The following PCDHGA4 variants were observed in gnomAD, a reference collection of about 807,000 sequenced individuals.
The protein encoded by PCDHGA4 is protocadherin gamma subfamily A, 4, also known as protocadherin gamma-A4.
In PCDHGA4, 38 loss-of-function variants were observed where a neutral mutation model predicts 54.6. The ratio of observed to expected loss-of-function variants is 0.70; its 90% confidence interval spans 0.54 to 0.91. PCDHGA4 has a LOEUF of 0.91. Ranked by LOEUF, PCDHGA4 falls within the 40% of genes least tolerant of loss-of-function variation. The probability of loss-of-function intolerance (pLI) is 0.00; values close to 1 mark genes in which losing one functional copy is unlikely to be tolerated. For missense variants in PCDHGA4, 1,298 were observed against 1,220.9 expected (o/e 1.06, Z -0.94); for synonymous variants, 511 against 512.9 (o/e 1.00, Z 0.05).
At chr5:141,383,279 A>G in intron 1 of PCDHGA4, 7 of 1,613,948 alleles carry the variant, frequency 4.3e-6, no homozygotes, top group Non-Finnish European at 5.9e-6. Context: ...ATAGATATTA[A>G]TGACAACGTT....
chr5:141,491,284 A>C lies in PCDHGA4; in HGVS notation c.2515-3523A>C. ...AATGCCCAAATCCAGTGACTTCCTC[A>C]TACACCCTCCTGAGCGTTCAGACCT... On this transcript the variant is annotated intron_variant, in intron 1 of 3. Transcript: ENST00000571252. The surrounding 1 kb of genome is among the most constrained non-coding windows in gnomAD (Gnocchi z 6.9). 1.2e-6 allele frequency: 2 copies of C among 1,614,128 alleles called. No homozygotes were observed. The highest frequency in any genetic ancestry group is 1.7e-6 in the Non-Finnish European group (2 of 1,179,978).
At chr5:141,389,519 C>T in intron 1 of PCDHGA4, 1 of 1,613,156 alleles carries the variant, frequency 6.2e-7, no homozygotes, top group South Asian at 1.1e-5. Context: ...CGAACGTGAG[C>T]CTGCGCGTGT....
chr5:141,466,358 A>T (rs1210013683), intron 1 of PCDHGA4, among the ~76,000 whole-genome samples: 3 of 152,066 alleles, frequency 2.0e-5, no homozygotes, highest in Non-Finnish European at 4.4e-5. Context: ...GCTAATCTAG[A>T]TGTAATGGTT....
rs1005709757 is a variant in PCDHGA4 at position 141,495,051 on chromosome 5, A to G, written c.2573+186A>G. Among the ~76,000 whole-genome samples, 3 of 152,042 alleles carry G rather than the reference A, an allele frequency of 2.0e-5. No homozygotes were observed. In the East Asian group the frequency reaches 5.8e-4, roughly 29 times the overall value. On this transcript the variant is annotated intron_variant, in intron 2 of 3. Transcript: ENST00000571252. ...CCGGAAGGAAGAGGCGACTGCCCTG[A>G]CTGTTCAGGAAGCTCAATTCACATG... is the stretch of plus-strand genomic sequence containing the variant.
At chr5:141,384,435 A>G in intron 1 of PCDHGA4, 1 of 1,614,008 alleles carries the variant, frequency 6.2e-7, no homozygotes, top group Non-Finnish European at 8.5e-7. Context: ...CTGACACTGG[A>G]GTCCTGTACG....
At chr5:141,385,188 T>A (rs1352073072) in intron 1 of PCDHGA4, 2 of 1,614,080 alleles carry the variant, frequency 1.2e-6, no homozygotes, top group African/African-American at 1.3e-5. Flanking sequence ...CCGCGGACTC[T>A]CGGAAGAGTC....
rs1015821056 is a variant in PCDHGA4 at position 141,397,642 on chromosome 5, T to C, written c.2514+40021T>C. On this transcript the variant is annotated intron_variant, in intron 1 of 3. Coordinates refer to ENST00000571252, the MANE Select transcript of PCDHGA4 (RefSeq NM_018917.4). Reference sequence around the variant, plus strand: ...TAGTTCTAGCTAAGAGTTCAAGGTATGTTTGCAGAATGGTGAAAGAATGGA... The same window carrying C: ...TAGTTCTAGCTAAGAGTTCAAGGTACGTTTGCAGAATGGTGAAAGAATGGA... Among the ~76,000 whole-genome samples, 3 of 152,236 alleles carry C rather than the reference T, an allele frequency of 2.0e-5. No individual in the cohort carries two copies. The East Asian group carries it at 5.8e-4, about 29-fold the overall frequency.
chr5:141,417,800 C>T, intron 1 of PCDHGA4: 1 of 1,489,386 alleles, frequency 6.7e-7, no homozygotes. Context: ...TCTTTTAGCG[C>T]GGTAGAGTGC....
intron 1 of PCDHGA4, chr5:141,389,736 G>A: frequency 6.2e-7 from 1 of 1,612,710 alleles, no homozygotes; most frequent in Non-Finnish European, 8.5e-7. Flanking sequence ...CTTCAGCCTG[G>A]GGCTGCGCAC....
At chr5:141,386,140 G>A (rs1246033956) in intron 1 of PCDHGA4, 1 of 152,170 alleles carries the variant, frequency 6.6e-6, no homozygotes, top group African/African-American at 2.4e-5. Context: ...TACTGGCTTT[G>A]TTTCAACTGT....
chr5:141,430,235 G>T (rs1020445956), intron 1 of PCDHGA4, among the ~76,000 whole-genome samples: 3 of 128,670 alleles, frequency 2.3e-5, no homozygotes, highest in Non-Finnish European at 4.7e-5. Context: ...GTCAAAAAGA[G>T]AAACTCCTAG....
chr5:141,500,467 C>T lies in PCDHGA4; in HGVS notation c.2574-4926C>T, dbSNP rs368360639. 6.6e-5 allele frequency among the ~76,000 whole-genome samples: 10 copies of T among 152,262 alleles called. No homozygotes were observed. In the South Asian group the frequency reaches 2.1e-3, roughly 32 times the overall value. ...CTCGTGATCCGCCCGCCTCGGCCTC[C>T]CAAAGTGCTGGGATTACAGGCGTGA... is the stretch of plus-strand genomic sequence containing the variant. On this transcript the variant is annotated intron_variant, in intron 2 of 3. Coordinates refer to ENST00000571252, the MANE Select transcript of PCDHGA4 (RefSeq NM_018917.4).
Position 141,360,331 on chromosome 5 carries a change from C to G in PCDHGA4, c.2514+2710C>G, listed in dbSNP as rs146919505. The G allele has an allele frequency of 1.3e-3, 2,115 of 1,613,952 alleles. 5 individuals are homozygous for G. Among genetic ancestry groups the G allele is most frequent in the Non-Finnish European group, 1.7e-3 (1,954 of 1,179,884 alleles). On this transcript the variant is annotated intron_variant, in intron 1 of 3. Transcript: ENST00000571252. The stretch of plus-strand genomic sequence containing the variant: ...CGTCCGGGACTTGCCAGCCCGGAAG[C>G]TGCGGGTTAGCGCGGAGAAGGAATA...
intron 1 of PCDHGA4, chr5:141,382,901 T>C (rs748634682): frequency 5.8e-6 from 9 of 1,543,194 alleles, no homozygotes; most frequent in East Asian, 2.3e-5. Flanking sequence ...AGGACGACTA[T>C]GGCGGCTCAG....
Position 141,389,889 on chromosome 5 carries a change from G to A in PCDHGA4, c.2514+32268G>A. ...GGTCTTCGCCGACAGCTTGCAGGAG[G>A]TGCTGCCGGATATCACTGACCGCCC... On this transcript the variant is annotated intron_variant, in intron 1 of 3. Transcript: ENST00000571252. 1.9e-6 allele frequency: 3 copies of A among 1,614,086 alleles called. No homozygotes were observed. Among genetic ancestry groups the A allele is most frequent in the Admixed American group, 1.7e-5 (1 of 60,034 alleles).
chr5:141,394,496 G>T (rs779718881), intron 1 of PCDHGA4: 5 of 1,614,118 alleles, frequency 3.1e-6, no homozygotes, highest in Middle Eastern at 1.6e-4. Context: ...ACGCGCCCGA[G>T]ATCCTGTACC....
Position 141,357,628 on chromosome 5 carries a change from C to T in PCDHGA4, c.2514+7C>T. ...AGGAGACCCTAATCTTCAGGTGAGT[C>T]AATCTTATAATAGATCATACCACAC... On this transcript the variant is annotated splice_region_variant and intron_variant, in intron 1 of 3. Coordinates refer to ENST00000571252, the MANE Select transcript of PCDHGA4 (RefSeq NM_018917.4). 1 of 1,613,256 alleles carries T rather than the reference C, an allele frequency of 6.2e-7. No individual in the cohort carries two copies. Among genetic ancestry groups the T allele is most frequent in the Non-Finnish European group, 8.5e-7 (1 of 1,179,406 alleles).
At chr5:141,365,390 A>G in intron 1 of PCDHGA4, 1 of 1,613,968 alleles carries the variant, frequency 6.2e-7, no homozygotes, top group Non-Finnish European at 8.5e-7. Flanking sequence ...CTCTCTGACC[A>G]GTTCGATCTC....
At chr5:141,389,539 AC>A (rs750868475) in intron 1 of PCDHGA4, 1 of 1,613,100 alleles carries the variant, frequency 6.2e-7, no homozygotes, top group African/African-American at 1.3e-5. Context: ...TTAGTGGACG[AC>A]CGCAACGACA....
Sources: allele counts gnomAD v4.1 joint callset (sites outside exome capture counted in the v4.1 genomes callset), GRCh38; gene constraint gnomAD v4.1.1; non-coding constraint Gnocchi (gnomAD v3.1); transcripts MANE v1.5; gene names NCBI Gene and HGNC (gene_info 2026-07-23, HGNC 2026-07-21).